The following RNF32 variants were observed in gnomAD, a reference collection of about 807,000 sequenced individuals.
RNF32 encodes the protein ring finger protein 32.
Under a neutral mutation model 41.0 loss-of-function variants are expected in RNF32, and 36 were observed. That is an observed-to-expected ratio of 0.88 (90% CI 0.67 to 1.16). RNF32 has a LOEUF of 1.16. RNF32 is among the 50% of genes most tolerant of loss of function. The pLI is 0.00. For synonymous variants in RNF32, 154 were observed against 160.9 expected, an observed-to-expected ratio of 0.96 and a Z score of 0.32; for missense variants, 413 against 436.7, an observed-to-expected ratio of 0.95 and a Z score of 0.48.
intron 7 of RNF32, among the ~76,000 whole-genome samples, chr7:156,664,915 A>G (rs1225694163): frequency 1.3e-5 from 2 of 152,230 alleles, no homozygotes; most frequent in African/African-American, 4.8e-5. Flanking sequence ...TCAGTAAAAA[A>G]GAGAAAATTG....
rs1205307705 is a variant in RNF32, at chr7:156,654,684, C to T, written c.383C>T (p.Pro128Leu). ...LLQGDSVQPC[P>L]ICKEEFELRP... ...CAAGGGGACTCCGTGCAACCATGCC[C>T]CATCTGTAAAGAAGAATTCGAGCTT... The change falls in exon 4 of 9, where the codon CCC (proline) becomes CTC (leucine). Residue 128 changes from proline (P) to leucine (L), a missense_variant. Physicochemically the swap from Pro to Leu is moderately conservative, Grantham distance 98. Coordinates refer to ENST00000317955, the MANE Select transcript of RNF32 (RefSeq NM_030936.4). The T allele has an allele frequency of 1.2e-6, 2 of 1,614,082 alleles. No individual in the cohort carries two copies. Among genetic ancestry groups the T allele is most frequent in the Admixed American group, 1.7e-5 (1 of 60,022 alleles).
intron 3 of RNF32, among the ~76,000 whole-genome samples, chr7:156,651,327 C>T (rs570073282): frequency 4.0e-5 from 6 of 151,678 alleles, no homozygotes; most frequent in African/African-American, 1.5e-4. Context: ...GATTCTCGTG[C>T]CTGAGCCTCC....
intron 7 of RNF32, chr7:156,659,605 T>G (rs1800296007): frequency 2.1e-6 from 2 of 935,674 alleles, no homozygotes; most frequent in Non-Finnish European, 2.5e-6. Context: ...ACAGATTTGA[T>G]AGTCATTTTA....
At chr7:156,675,115 A>G (rs1803519067) in intron 7 of RNF32, among the ~76,000 whole-genome samples, 1 of 152,258 alleles carries the variant, frequency 6.6e-6, no homozygotes, top group South Asian at 2.1e-4. Flanking sequence ...GAGATAGTGC[A>G]GACCCGAAGA....
chr7:156,654,909 G>A, intron 4 of RNF32, 191 bp downstream of exon 4: 1 of 503,604 alleles, frequency 2.0e-6, no homozygotes, highest in Non-Finnish European at 3.5e-6. Flanking sequence ...AAATAGTTTT[G>A]TTTGTTTACT....
intron 7 of RNF32, chr7:156,659,703 C>A (rs775824237): frequency 4.0e-5 from 34 of 856,622 alleles, no homozygotes; most frequent in Non-Finnish European, 4.6e-5. Flanking sequence ...TTGGTGGTCT[C>A]AGCCCATTGA....
At chr7:156,641,020 T>A (rs1797226372) in intron 1 of RNF32, 1 of 159,108 alleles carries the variant, frequency 6.3e-6, no homozygotes, top group Admixed American at 6.5e-5. Context: ...TTTCCACAGC[T>A]CCTTCTATCT....
At chr7:156,663,704 C>T (rs1340145220) in intron 7 of RNF32, among the ~76,000 whole-genome samples, 2 of 152,014 alleles carry the variant, frequency 1.3e-5, no homozygotes, top group African/African-American at 2.4e-5. Context: ...AATTTGGCAA[C>T]TAAGATTCTT....
At chr7:156,647,592 C>T (rs1347430748) in intron 3 of RNF32, among the ~76,000 whole-genome samples, 1 of 152,090 alleles carries the variant, frequency 6.6e-6, no homozygotes, top group African/African-American at 2.4e-5. Context: ...TTCATGGGCA[C>T]TTAGGTTGGT....
chr7:156,644,514 A>C lies in RNF32; in HGVS notation c.31A>C (p.Lys11Gln). 1.2e-6 allele frequency: 2 copies of C among 1,610,322 alleles called. No individual in the cohort carries two copies. The highest frequency in any genetic ancestry group is 1.7e-6 in the Non-Finnish European group (2 of 1,178,528). Residue 11 changes from lysine (K) to glutamine (Q), a missense_variant, in exon 3 of 9, where the codon AAA becomes CAA. By Grantham distance (53) the Lys-to-Gln change is moderately conservative. Transcript: ENST00000317955. The stretch of plus-strand genomic sequence containing the variant: ...TACTTTTTAGGGTCACTCATCTAAG[A>C]AAGATAACTTGGCAGTCAATGCAGT... MLKNKGHSSK[K>Q]DNLAVNAVAL... is the part of the protein sequence containing the mutation.
chr7:156,644,243 C>G (rs1285956812), intron 2 of RNF32, among the ~76,000 whole-genome samples: 1 of 152,168 alleles, frequency 6.6e-6, no homozygotes, highest in African/African-American at 2.4e-5. Context: ...TAGGCATGCA[C>G]AGGTTTATGG....
rs1353137242 is a variant in RNF32, at chr7:156,669,904, GCCTAGTGCCAT to G, written c.685-5791_685-5781del. Among the ~76,000 whole-genome samples the G allele has an allele frequency of 2.6e-5, 4 of 152,164 alleles. No homozygotes were observed. The East Asian group carries it at 7.7e-4, about 29-fold the overall frequency. On this transcript the variant is annotated intron_variant, in intron 7 of 8. Coordinates refer to ENST00000317955, the MANE Select transcript of RNF32 (RefSeq NM_030936.4). The surrounding 1 kb of genome is among the most constrained non-coding windows in gnomAD (Gnocchi z 4.2). Reference sequence around the variant, plus strand: ...GGTGACAGGAGGGCGGGCGGTCATGGCCTAGTGCCATGAAAATGAAACACAGATCCCTGTTT... The same window carrying G: ...GGTGACAGGAGGGCGGGCGGTCATGGGAAAATGAAACACAGATCCCTGTTT...
chr7:156,660,326 G>C, intron 7 of RNF32: 1 of 977,330 alleles, frequency 1.0e-6, no homozygotes, highest in Admixed American at 6.1e-5. Context: ...AGATCAAGAA[G>C]AACAGAAGTA....
intron 3 of RNF32, chr7:156,646,416 T>G: frequency 7.7e-7 from 1 of 1,303,788 alleles, no homozygotes; most frequent in Non-Finnish European, 1.0e-6. Flanking sequence ...CCTTCTTCTC[T>G]AGGTGTGATT....
chr7:156,652,684 C>T (rs1317727271), intron 3 of RNF32, among the ~76,000 whole-genome samples: 7 of 149,016 alleles, frequency 4.7e-5, no homozygotes, highest in African/African-American at 1.7e-4. Context: ...TAGTTTTTAA[C>T]AAAAAAGTTA....
At chr7:156,663,283 G>C (rs1397695232) in intron 7 of RNF32, among the ~76,000 whole-genome samples, 1 of 152,168 alleles carries the variant, frequency 6.6e-6, no homozygotes, top group Non-Finnish European at 1.5e-5. Flanking sequence ...CATCACACTT[G>C]AGCCAATCCT....
At chr7:156,675,951 C>G (rs1473855717) in intron 8 of RNF32, 88 bp downstream of exon 8, 2 of 1,376,592 alleles carry the variant, frequency 1.5e-6, no homozygotes, top group Non-Finnish European at 2.0e-6. Context: ...AGGTCGAGGA[C>G]TCACTTTGGG....
At chr7:156,657,762 A>G in intron 5 of RNF32, 189 bp downstream of exon 5, 1 of 638,238 alleles carries the variant, frequency 1.6e-6, no homozygotes, top group South Asian at 1.9e-5. Flanking sequence ...GAGTTTTGTG[A>G]CAAAAGAACC....
At chr7:156,674,223 C>A (rs1585125226) in intron 7 of RNF32, among the ~76,000 whole-genome samples, 1 of 152,200 alleles carries the variant, frequency 6.6e-6, no homozygotes, top group Non-Finnish European at 1.5e-5. Context: ...GCCTGTGGGG[C>A]TCGGGAACTG....
Sources: allele counts gnomAD v4.1 joint callset (sites outside exome capture counted in the v4.1 genomes callset), GRCh38; gene constraint gnomAD v4.1.1; non-coding constraint Gnocchi (gnomAD v3.1); transcripts MANE v1.5; gene names NCBI Gene and HGNC (gene_info 2026-07-23, HGNC 2026-07-21).